Variants in EGFR observed in about 807,000 individuals in gnomAD.
The protein encoded by EGFR is epidermal growth factor receptor.
In EGFR, 58 loss-of-function variants were observed where a neutral mutation model predicts 143.0. The observed-to-expected ratio is 0.41, with a 90% CI of 0.33 to 0.50. The LOEUF is 0.50. Ranked by LOEUF, EGFR falls within the 20% of genes least tolerant of loss-of-function variation. The pLI, the probability that EGFR is intolerant of heterozygous loss-of-function variation, is 0.39. For synonymous variants in EGFR, 613 were observed against 594.4 expected (o/e 1.03, Z -0.45); for missense variants, 1,307 against 1,579.0 (o/e 0.83, Z 2.92).
intron 1 of EGFR, among the ~76,000 whole-genome samples, chr7:55,112,494 G>A (rs190558338): frequency 6.6e-5 from 10 of 152,362 alleles, no homozygotes; most frequent in Admixed American, 6.5e-4. Flanking sequence ...CCTAGACATG[G>A]CCTCAGAATC....
In EGFR at chr7:55,205,522, G is replaced by A. The variant is rs1788075588; in HGVS notation, c.3538G>A (p.Glu1180Lys). 1.2e-6 allele frequency: 2 copies of A among 1,614,184 alleles called. No homozygotes were observed. Among genetic ancestry groups the A allele is most frequent in the East Asian group, 2.2e-5 (1 of 44,886 alleles). ...PDYQQDFFPK[E>K]AKPNGIFKGS... ...CTACCAGCAGGACTTCTTTCCCAAGGAAGCCAAGCCAAATGGCATCTTTAA... is the reference window on the plus strand; with the variant it reads ...CTACCAGCAGGACTTCTTTCCCAAGAAAGCCAAGCCAAATGGCATCTTTAA... Residue 1180 changes from glutamate (E) to lysine (K), a missense_variant, in exon 28 of 28, where the codon GAA becomes AAA. Glu to Lys is a moderately conservative substitution (Grantham distance 56, BLOSUM62 1). Coordinates refer to ENST00000275493, the MANE Select transcript of EGFR (RefSeq NM_005228.5).
chr7:55,117,405 T>C (rs1471042547), intron 1 of EGFR, among the ~76,000 whole-genome samples: 1 of 152,190 alleles, frequency 6.6e-6, no homozygotes, highest in Non-Finnish European at 1.5e-5. Context: ...ACCCACACTC[T>C]GTAACTCCCA....
Position 55,193,138 on chromosome 7 carries a change from C to T in EGFR, c.2701+297C>T, listed in dbSNP as rs576794929. ...CCTGCAAAGTCCAACCAAACTTTAA[C>T]GTTAACCAAACCATTAATGTTGCCA... is the stretch of plus-strand genomic sequence containing the variant. On this transcript the variant is annotated intron_variant, in intron 22 of 27. Coordinates refer to ENST00000275493, the MANE Select transcript of EGFR (RefSeq NM_005228.5). Among the ~76,000 whole-genome samples, 65 of 152,090 alleles carry T rather than the reference C, an allele frequency of 4.3e-4. 1 individual carries two copies. The highest frequency in any genetic ancestry group is 3.4e-3 in the Middle Eastern group (1 of 294).
At chr7:55,051,049 T>C (rs1387307732) in intron 1 of EGFR, among the ~76,000 whole-genome samples, 1 of 152,168 alleles carries the variant, frequency 6.6e-6, no homozygotes, top group Non-Finnish European at 1.5e-5. Context: ...ATTCTGGGAA[T>C]CCTGGTCGGC....
At chr7:55,073,262 T>A (rs1374939769) in intron 1 of EGFR, among the ~76,000 whole-genome samples, 1 of 152,232 alleles carries the variant, frequency 6.6e-6, no homozygotes, top group Non-Finnish European at 1.5e-5. Context: ...AGTGTCTGCT[T>A]ACCAGCCACG....
intron 1 of EGFR, among the ~76,000 whole-genome samples, chr7:55,121,660 T>A (rs183799242): frequency 2.0e-5 from 3 of 152,332 alleles, no homozygotes; most frequent in South Asian, 2.1e-4. Flanking sequence ...CCCCTAGACA[T>A]ACAACACTCT....
chr7:55,203,173 TACACAG>T (rs1175847097), intron 27 of EGFR: 2 of 218,290 alleles, frequency 9.2e-6, no homozygotes, highest in Non-Finnish European at 1.8e-5. Flanking sequence ...ACACATACCA[TACACAG>T]ACACATACAC....
chr7:55,090,407 C>T (rs1584012931), intron 1 of EGFR, among the ~76,000 whole-genome samples: 3 of 152,322 alleles, frequency 2.0e-5, no homozygotes, highest in East Asian at 1.9e-4. Flanking sequence ...CCCCTGACCT[C>T]GGGCCCCTTC....
At chr7:55,138,103 G>C (rs1403026282) in intron 1 of EGFR, among the ~76,000 whole-genome samples, 3 of 152,318 alleles carry the variant, frequency 2.0e-5, no homozygotes, top group African/African-American at 7.2e-5. Context: ...ATATCTGACA[G>C]ACAGAAAAAT....
chr7:55,154,757 G>A (rs1023818692), intron 7 of EGFR, among the ~76,000 whole-genome samples: 1 of 152,138 alleles, frequency 6.6e-6, no homozygotes, highest in Admixed American at 6.5e-5. Context: ...AATAATTCCT[G>A]ACAGAGAAAG....
chr7:55,181,258 C>T (rs368090013), intron 19 of EGFR, 35 bp from the exon 20 acceptor site: 68 of 1,612,778 alleles, frequency 4.2e-5, no homozygotes, highest in Admixed American at 8.3e-5. Flanking sequence ...GGCCACCATG[C>T]GAAGCCACAC....
intron 1 of EGFR, among the ~76,000 whole-genome samples, chr7:55,028,512 C>A (rs909538249): frequency 2.0e-4 from 31 of 152,068 alleles, no homozygotes; most frequent in Non-Finnish European, 1.5e-4. Flanking sequence ...ATTTCAAAAA[C>A]CTGGTTTTGT....
intron 1 of EGFR, among the ~76,000 whole-genome samples, chr7:55,057,387 A>G (rs1258357514): frequency 6.6e-6 from 1 of 152,216 alleles, no homozygotes; most frequent in Non-Finnish European, 1.5e-5. Flanking sequence ...GCATCTCATA[A>G]GTGAACAAAA....
In EGFR at chr7:55,168,835, A is replaced by T. The variant is rs189248205; in HGVS notation, c.1881-2340A>T. Among the ~76,000 whole-genome samples, 698 of 152,122 alleles carry T rather than the reference A, an allele frequency of 4.6e-3. 8 individuals carry two copies. Among genetic ancestry groups the T allele is most frequent in the African/African-American group, 0.016 (648 of 41,486 alleles). On this transcript the variant is annotated intron_variant, in intron 15 of 27. Coordinates refer to ENST00000275493, the MANE Select transcript of EGFR (RefSeq NM_005228.5). ...CGGCCAAGTGTTGATGAGAGGGAAAATTTTTTTAATTTCTTTCACTGAGTA... is the reference window on the plus strand; with the variant it reads ...CGGCCAAGTGTTGATGAGAGGGAAATTTTTTTTAATTTCTTTCACTGAGTA...
At chr7:55,103,435 C>T (rs1361879410) in intron 1 of EGFR, among the ~76,000 whole-genome samples, 1 of 152,186 alleles carries the variant, frequency 6.6e-6, no homozygotes, top group African/African-American at 2.4e-5. Context: ...TTCCTAACAC[C>T]CTGTAATATA....
At chr7:55,135,912 T>A (rs1380156581) in intron 1 of EGFR, among the ~76,000 whole-genome samples, 1 of 152,250 alleles carries the variant, frequency 6.6e-6, no homozygotes, top group African/African-American at 2.4e-5. Context: ...CAGATTTTTT[T>A]AAATTTTTGG....
At chr7:55,090,313 G>C (rs1195263301) in intron 1 of EGFR, among the ~76,000 whole-genome samples, 1 of 152,092 alleles carries the variant, frequency 6.6e-6, no homozygotes, top group African/African-American at 2.4e-5. Flanking sequence ...AACTTCAAAT[G>C]ATCTCCAGGG....
intron 22 of EGFR, among the ~76,000 whole-genome samples, chr7:55,198,420 A>G (rs764860780): frequency 6.6e-6 from 1 of 152,118 alleles, no homozygotes; most frequent in Non-Finnish European, 1.5e-5. Flanking sequence ...CTTTATTGTT[A>G]ATTACCAAAG....
At chr7:55,039,979 G>C (rs1254046257) in intron 1 of EGFR, among the ~76,000 whole-genome samples, 1 of 152,190 alleles carries the variant, frequency 6.6e-6, no homozygotes, top group African/African-American at 2.4e-5. Context: ...TTCTCTTACT[G>C]TTCTCTTCAC....
Sources: gnomAD v4.1 joint callset for allele counts (sites outside exome capture counted in the v4.1 genomes callset) on GRCh38, gnomAD v4.1.1 for gene constraint, MANE v1.5 for transcripts, NCBI Gene and HGNC (gene_info 2026-07-23, HGNC 2026-07-21) for gene names.